The following SLCO3A1 variants were observed in gnomAD, a reference collection of about 807,000 sequenced individuals.
SLCO3A1 encodes solute carrier organic anion transporter family member 3A1, also known as PGE1 transporter.
In SLCO3A1, 27 loss-of-function variants were observed where a neutral mutation model predicts 63.1. The observed-to-expected ratio is 0.43, with a 90% CI of 0.32 to 0.59. The LOEUF (loss-of-function observed/expected upper bound fraction) is 0.59. Among genes scored for constraint, SLCO3A1 ranks in the 20% least tolerant of loss-of-function variants. SLCO3A1 has a pLI of 0.09. For missense variants in SLCO3A1, 773 were observed against 945.8 expected (o/e 0.82, Z 2.40); for synonymous variants, 473 against 409.9 (o/e 1.15, Z -1.86).
At chr15:92,116,448 C>G (rs11631993) in intron 4 of SLCO3A1, among the ~76,000 whole-genome samples, 112,472 of 152,106 alleles carry the variant, frequency 0.74, 42,758 homozygotes, top group East Asian at 0.94. Context: ...AAAGGTTTCT[C>G]CAGCTGGTGA....
chr15:92,145,771 C>T (rs897504389), intron 7 of SLCO3A1, among the ~76,000 whole-genome samples: 3 of 152,224 alleles, frequency 2.0e-5, no homozygotes, highest in Non-Finnish European at 4.4e-5. Flanking sequence ...TTCACAAAGG[C>T]ACCTGCTCTG....
chr15:91,903,363 A>T (rs1160536281), intron 1 of SLCO3A1, among the ~76,000 whole-genome samples: 1 of 152,220 alleles, frequency 6.6e-6, no homozygotes, highest in Non-Finnish European at 1.5e-5. Flanking sequence ...AGGTCTGTAC[A>T]CTTGCATTTC....
At chr15:92,110,594 CAT>C (rs746952593) in intron 4 of SLCO3A1, among the ~76,000 whole-genome samples, 5 of 152,222 alleles carry the variant, frequency 3.3e-5, no homozygotes, top group Non-Finnish European at 5.9e-5. Flanking sequence ...GACATCAGCT[CAT>C]GTGTCATTTC....
At chr15:92,051,849 G>A (rs1209965515) in intron 2 of SLCO3A1, among the ~76,000 whole-genome samples, 1 of 152,170 alleles carries the variant, frequency 6.6e-6, no homozygotes. Context: ...CAAAAGTGCT[G>A]CGTGATGAGG....
intron 2 of SLCO3A1, among the ~76,000 whole-genome samples, chr15:91,922,833 C>A (rs1898894178): frequency 6.6e-6 from 1 of 152,250 alleles, no homozygotes; most frequent in Non-Finnish European, 1.5e-5. Context: ...TCCATTCCCT[C>A]TCCCCAGCTG....
chr15:92,033,218 G>T lies in SLCO3A1; in HGVS notation c.647-61663G>T, dbSNP rs2046677872. On this transcript the variant is annotated intron_variant, in intron 2 of 9. Transcript: ENST00000318445. This position sits in a 1 kb window ranked among gnomAD's most constrained non-coding sequence, Gnocchi z 4.5. Reference sequence around the variant, plus strand: ...AAACTGAGGCCATGCCTACGTAAATGTATTGATTAGAAAAGAGTCAAGTTG... The same window carrying T: ...AAACTGAGGCCATGCCTACGTAAATTTATTGATTAGAAAAGAGTCAAGTTG... Among the ~76,000 whole-genome samples, 1 of 152,200 alleles carries T rather than the reference G, an allele frequency of 6.6e-6. No individual in the cohort carries two copies.
At chr15:92,145,795 G>A (rs2048213891) in intron 7 of SLCO3A1, among the ~76,000 whole-genome samples, 1 of 152,210 alleles carries the variant, frequency 6.6e-6, no homozygotes, top group Admixed American at 6.5e-5. Context: ...AGACACTGAG[G>A]GGAAGGGTGG....
At chr15:92,155,191 A>T (rs1228643809) in intron 9 of SLCO3A1, 3 of 151,256 alleles carry the variant, frequency 2.0e-5, no homozygotes, top group Non-Finnish European at 4.4e-5. Context: ...ATTCTTCTGC[A>T]GGTGTCTTGG....
Position 92,008,094 on chromosome 15 carries a change from A to G in SLCO3A1, c.647-86787A>G, listed in dbSNP as rs145536728. Among the ~76,000 whole-genome samples the G allele has an allele frequency of 2.6e-3, 395 of 152,352 alleles. 1 individual carries two copies. The highest frequency in any genetic ancestry group is 9.1e-3 in the African/African-American group (380 of 41,590). ...AGGTGCCATTGCTTGAATGAACTTGAGAGCAACCCCATACTTGGTCCCTAA... is the reference window on the plus strand; with the variant it reads ...AGGTGCCATTGCTTGAATGAACTTGGGAGCAACCCCATACTTGGTCCCTAA... On this transcript the variant is annotated intron_variant, in intron 2 of 9. Coordinates refer to ENST00000318445, the MANE Select transcript of SLCO3A1 (RefSeq NM_013272.4).
intron 4 of SLCO3A1, among the ~76,000 whole-genome samples, chr15:92,111,404 A>C (rs2047728398): frequency 6.6e-6 from 1 of 151,632 alleles, no homozygotes; most frequent in Non-Finnish European, 1.5e-5. Context: ...TTAATCATGC[A>C]CTCTGTCCTC....
chr15:91,854,175 C>G lies in SLCO3A1; in HGVS notation c.180+87C>G. 8.2e-7 allele frequency: 1 copy of G among 1,224,704 alleles called. No homozygotes were observed. Among genetic ancestry groups the G allele is most frequent in the Non-Finnish European group, 1.0e-6 (1 of 954,376 alleles). The allele number at this position is 1,224,704 out of a possible 1,614,324, so 75.9% of individuals were successfully genotyped here. A position where few individuals can be genotyped will look rare whatever the true frequency, so the allele number is the denominator to read the frequency against. ...CTGGCCCGACGAGGGGGCCGCCCGGCGCTGGGGGCAGGCGGGCATGACCTC... is the reference window on the plus strand; with the variant it reads ...CTGGCCCGACGAGGGGGCCGCCCGGGGCTGGGGGCAGGCGGGCATGACCTC... On this transcript the variant is annotated intron_variant, in intron 1 of 9. Coordinates refer to ENST00000318445, the MANE Select transcript of SLCO3A1 (RefSeq NM_013272.4). The surrounding 1 kb of genome is among the most constrained non-coding windows in gnomAD (Gnocchi z 6.4).
At chr15:91,890,843 A>G (rs1190392103) in intron 1 of SLCO3A1, among the ~76,000 whole-genome samples, 11 of 152,176 alleles carry the variant, frequency 7.2e-5, no homozygotes, top group Admixed American at 1.3e-4. Context: ...ATGCCTCACT[A>G]CTGCCCTGGC....
intron 9 of SLCO3A1, among the ~76,000 whole-genome samples, chr15:92,160,086 G>C (rs570555798): frequency 1.3e-5 from 2 of 152,016 alleles, no homozygotes; most frequent in Non-Finnish European, 2.9e-5. Context: ...CCGTCACCAG[G>C]TGTTGGGTGG....
At chr15:92,013,255 G>T (rs1184266114) in intron 2 of SLCO3A1, among the ~76,000 whole-genome samples, 1 of 152,188 alleles carries the variant, frequency 6.6e-6, no homozygotes, top group Non-Finnish European at 1.5e-5. Flanking sequence ...CAGTTCTCTC[G>T]GCAGCATGGA....
intron 2 of SLCO3A1, among the ~76,000 whole-genome samples, chr15:92,038,208 T>A (rs1489891817): frequency 6.6e-6 from 1 of 152,210 alleles, no homozygotes; most frequent in Non-Finnish European, 1.5e-5. Context: ...ATGATCCCAG[T>A]CTGAACAACC....
chr15:91,963,325 A>T (rs895919083), intron 2 of SLCO3A1, among the ~76,000 whole-genome samples: 5 of 142,148 alleles, frequency 3.5e-5, no homozygotes, highest in African/African-American at 1.3e-4. Context: ...TGAGACAGTT[A>T]TTATGGAGGC....
chr15:92,016,254 T>TAGATAGATAGATTAGATAGATAGATAGA, intron 2 of SLCO3A1, among the ~76,000 whole-genome samples: 413 of 95,392 alleles, frequency 4.3e-3, no homozygotes, highest in South Asian at 9.7e-3. Flanking sequence ...GATAGATAGA[T>TAGATAGATAGATTAGATAGATAGATAGA]TAGATAGATA....
intron 1 of SLCO3A1, among the ~76,000 whole-genome samples, chr15:91,909,380 G>T (rs549554356): frequency 3.0e-4 from 46 of 152,180 alleles, no homozygotes; most frequent in Non-Finnish European, 5.9e-4. Context: ...TGGTGGTAGA[G>T]TTGAGTAGCT....
chr15:92,050,253 C>A (rs1054676570), intron 2 of SLCO3A1, among the ~76,000 whole-genome samples: 12 of 152,330 alleles, frequency 7.9e-5, no homozygotes, highest in Non-Finnish European at 1.2e-4. Context: ...GATAGTGCAC[C>A]TCTGTGGGCT....
Sources: allele counts gnomAD v4.1 joint callset (sites outside exome capture counted in the v4.1 genomes callset), GRCh38; gene constraint gnomAD v4.1.1; non-coding constraint Gnocchi (gnomAD v3.1); transcripts MANE v1.5; gene names NCBI Gene and HGNC (gene_info 2026-07-23, HGNC 2026-07-21).